The following DNAJC12 variants were observed in gnomAD, a reference collection of about 807,000 sequenced individuals.
DNAJC12 encodes the protein dnaJ homolog subfamily C member 12.
A neutral mutation model predicts 28.5 loss-of-function variants in DNAJC12; 25 were observed. The ratio of observed to expected loss-of-function variants is 0.88; its 90% CI spans 0.64 to 1.22. The LOEUF is 1.22. Among genes scored for constraint, DNAJC12 ranks in the 50% most tolerant of loss-of-function variants. The probability of loss-of-function intolerance (pLI) is 0.00; values close to 1 mark genes in which losing one functional copy is unlikely to be tolerated. For synonymous variants in DNAJC12, 77 were observed against 80.6 expected, an observed-to-expected ratio of 0.95 and a Z score of 0.24; for missense variants, 222 against 231.7, an observed-to-expected ratio of 0.96 and a Z score of 0.27.
At chr10:67,819,699 G>GAAAGAAA (rs1491448750) in intron 2 of DNAJC12, among the ~76,000 whole-genome samples, 1 of 24,622 alleles carries the variant, frequency 4.1e-5, no homozygotes, top group African/African-American at 1.2e-4. Context: ...AGAAAGAAAG[G>GAAAGAAA]AAGGAAGGAA....
At chr10:67,806,622 G>A (rs753686833) in intron 3 of DNAJC12, among the ~76,000 whole-genome samples, 4 of 152,162 alleles carry the variant, frequency 2.6e-5, no homozygotes, top group East Asian at 1.9e-4. Context: ...CAAGGAGTTC[G>A]AGACCATCCT....
intron 1 of DNAJC12, among the ~76,000 whole-genome samples, chr10:67,826,919 TAA>T (rs1491132146): frequency 1.5e-5 from 2 of 133,042 alleles, no homozygotes; most frequent in African/African-American, 5.4e-5. Context: ...ATATGATATA[TAA>T]TATATATATC....
chr10:67,830,425 A>G (rs370664148), intron 1 of DNAJC12, among the ~76,000 whole-genome samples: 1,992 of 151,464 alleles, frequency 0.013, 23 homozygotes, highest in Middle Eastern at 0.038. Context: ...TGGCTAACAC[A>G]GTGAAACCCC....
chr10:67,805,284 TGA>T (rs1841787666), intron 4 of DNAJC12, among the ~76,000 whole-genome samples: 1 of 152,086 alleles, frequency 6.6e-6, no homozygotes, highest in Non-Finnish European at 1.5e-5. Context: ...TAATATTAAA[TGA>T]GATAATAAAT....
chr10:67,821,657 T>C (rs1841982270), intron 2 of DNAJC12, among the ~76,000 whole-genome samples: 1 of 152,260 alleles, frequency 6.6e-6, no homozygotes, highest in Non-Finnish European at 1.5e-5. Context: ...TTTTTATTCC[T>C]TTTTGTACAT....
intron 4 of DNAJC12, among the ~76,000 whole-genome samples, chr10:67,798,234 G>C (rs182319568): frequency 6.6e-6 from 1 of 152,032 alleles, no homozygotes; most frequent in African/African-American, 2.4e-5. Flanking sequence ...AAAAGGTTTT[G>C]ATATCGTCAT....
intron 3 of DNAJC12, among the ~76,000 whole-genome samples, chr10:67,809,291 T>A (rs1250962249): frequency 6.6e-6 from 1 of 152,156 alleles, no homozygotes; most frequent in African/African-American, 2.4e-5. Flanking sequence ...TGGGTCTCTT[T>A]GGGTAAAACC....
chr10:67,828,481 G>A (rs538525942), intron 1 of DNAJC12, among the ~76,000 whole-genome samples: 123 of 152,178 alleles, frequency 8.1e-4, no homozygotes, highest in Non-Finnish European at 1.5e-3. Context: ...TTAAACTTCT[G>A]AGAACACCTT....
At chr10:67,817,865 A>G (rs913990884) in intron 2 of DNAJC12, among the ~76,000 whole-genome samples, 1 of 151,702 alleles carries the variant, frequency 6.6e-6, no homozygotes, top group African/African-American at 2.4e-5. Flanking sequence ...GCGATAGAGC[A>G]AGACTCCATC....
intron 1 of DNAJC12, among the ~76,000 whole-genome samples, chr10:67,837,616 T>C (rs1020002379): frequency 2.6e-5 from 4 of 152,196 alleles, no homozygotes; most frequent in Non-Finnish European, 5.9e-5. Context: ...TGTGAAACAC[T>C]GCCATCAGAA....
At chr10:67,825,300 C>A (rs1842018492) in intron 1 of DNAJC12, 1 of 152,126 alleles carries the variant, frequency 6.6e-6, no homozygotes, top group African/African-American at 2.4e-5. Flanking sequence ...TTTTCTTTTT[C>A]TTTTCTTTCA....
chr10:67,799,323 G>A (rs1364780817), intron 4 of DNAJC12, among the ~76,000 whole-genome samples: 1 of 152,088 alleles, frequency 6.6e-6, no homozygotes, highest in Non-Finnish European at 1.5e-5. Context: ...AATTATTGGA[G>A]AAAACAAATC....
intron 2 of DNAJC12, among the ~76,000 whole-genome samples, chr10:67,816,912 C>A (rs1008512487): frequency 6.6e-6 from 1 of 152,070 alleles, no homozygotes; most frequent in Admixed American, 6.6e-5. Context: ...GTTACTGTCA[C>A]CCACACAGAG....
At position 67,799,639 on chromosome 10, in the gene DNAJC12, C is replaced by T. The variant is rs201322673; in HGVS notation, c.503-2429G>A. Among the ~76,000 whole-genome samples the T allele has an allele frequency of 4.9e-4, 75 of 152,270 alleles. 3 individuals carry two copies. Among genetic ancestry groups the T allele is most frequent in the East Asian group, 4.4e-3 (23 of 5,180 alleles). On this transcript the variant is annotated intron_variant, in intron 4 of 4. Transcript: ENST00000225171. ...GTGGCTCACGCCTGTGATCCCAGCA[C>T]GTTGGGAGGCCGAGGCGGGCAGATC...
chr10:67,823,439 G>T, intron 1 of DNAJC12, 47 bp from the exon 2 acceptor site: 1 of 1,533,228 alleles, frequency 6.5e-7, no homozygotes. Flanking sequence ...GCCAGGCGCA[G>T]TGACTCACGC....
At chr10:67,820,296 A>T (rs549383458) in intron 2 of DNAJC12, among the ~76,000 whole-genome samples, 6 of 152,266 alleles carry the variant, frequency 3.9e-5, no homozygotes, top group Non-Finnish European at 8.8e-5. Flanking sequence ...TAAAGGCTCA[A>T]CAATGACAAA....
At chr10:67,809,433 A>T (rs1336728095) in intron 3 of DNAJC12, among the ~76,000 whole-genome samples, 2 of 152,236 alleles carry the variant, frequency 1.3e-5, no homozygotes, top group African/African-American at 4.8e-5. Flanking sequence ...AACCAATACT[A>T]CATGTCTAAA....
chr10:67,811,927 T>C (rs554303361), intron 2 of DNAJC12, among the ~76,000 whole-genome samples: 4 of 152,212 alleles, frequency 2.6e-5, no homozygotes, highest in Admixed American at 6.5e-5. Context: ...ATGACACAGA[T>C]GTGAATAATA....
intron 2 of DNAJC12, among the ~76,000 whole-genome samples, chr10:67,813,130 G>A (rs923094697): frequency 3.9e-5 from 6 of 152,162 alleles, no homozygotes; most frequent in African/African-American, 1.4e-4. Flanking sequence ...GAACCCTCAC[G>A]AATGGAATCA....
Sources: allele counts gnomAD v4.1 joint callset (sites outside exome capture counted in the v4.1 genomes callset), GRCh38; gene constraint gnomAD v4.1.1; transcripts MANE v1.5; gene names NCBI Gene and HGNC (gene_info 2026-07-23, HGNC 2026-07-21).